KCNQ3: variants seen among roughly 807,000 people sequenced by gnomAD.
The protein encoded by KCNQ3 is potassium voltage-gated channel subfamily KQT member 3.
Under a neutral mutation model 92.5 loss-of-function variants are expected in KCNQ3, and 30 were observed. That is an observed-to-expected ratio of 0.32 (90% confidence interval 0.24 to 0.44). The LOEUF is 0.44. Among genes scored for constraint, KCNQ3 ranks in the 20% least tolerant of loss-of-function variants. The pLI is 1.00. For synonymous variants in KCNQ3, 450 were observed against 468.8 expected, an observed-to-expected ratio of 0.96 and a Z score of 0.52; for missense variants, 913 against 1,140.3, an observed-to-expected ratio of 0.80 and a Z score of 2.87.
intron 1 of KCNQ3, among the ~76,000 whole-genome samples, chr8:132,233,480 C>A (rs1378176022): frequency 6.6e-6 from 1 of 152,156 alleles, no homozygotes; most frequent in Non-Finnish European, 1.5e-5. Flanking sequence ...AAGCCTAGTG[C>A]TTTTAGGATG....
chr8:132,351,861 C>G (rs11995574), intron 1 of KCNQ3, among the ~76,000 whole-genome samples: 4,500 of 152,280 alleles, frequency 0.03, 236 homozygotes, highest in African/African-American at 0.1. Context: ...AAATTCTGGA[C>G]CTGCCAGCTG....
intron 1 of KCNQ3, among the ~76,000 whole-genome samples, chr8:132,462,509 G>T (rs747530161): frequency 1.3e-5 from 2 of 152,164 alleles, no homozygotes; most frequent in Non-Finnish European, 2.9e-5. Context: ...ACTTTTAAAT[G>T]GTAAGTTTTT....
rs1266148430 is a variant in KCNQ3, at chr8:132,437,006, G to A, written c.386+43141C>T. ...TTAAGAGTGGGGTGGTGGGCCGGGC[G>A]CGGTGGCTCACGCCTGTAATCCCAG... On this transcript the variant is annotated intron_variant, in intron 1 of 14. Coordinates refer to ENST00000388996, the MANE Select transcript of KCNQ3 (RefSeq NM_004519.4). 3.3e-5 allele frequency among the ~76,000 whole-genome samples: 5 copies of A among 151,190 alleles called. No individual in the cohort carries two copies. In the South Asian group the frequency reaches 6.3e-4, roughly 19 times the overall value.
chr8:132,327,979 C>T (rs1000316651), intron 1 of KCNQ3, among the ~76,000 whole-genome samples: 4 of 152,082 alleles, frequency 2.6e-5, no homozygotes, highest in African/African-American at 9.7e-5. Context: ...AATCTCCAGA[C>T]TCTATCCCAC....
chr8:132,452,026 T>C (rs544478071), intron 1 of KCNQ3, among the ~76,000 whole-genome samples: 28 of 152,324 alleles, frequency 1.8e-4, no homozygotes, highest in Non-Finnish European at 3.7e-4. Flanking sequence ...CAGTGGTATG[T>C]GGTTTCTCAC....
chr8:132,322,025 G>C (rs1485996264), intron 1 of KCNQ3, among the ~76,000 whole-genome samples: 1 of 152,094 alleles, frequency 6.6e-6, no homozygotes, highest in Non-Finnish European at 1.5e-5. Context: ...GATGTGGCCT[G>C]AGGACAAGGT....
intron 1 of KCNQ3, among the ~76,000 whole-genome samples, chr8:132,237,008 C>G (rs919508238): frequency 2.0e-5 from 3 of 152,044 alleles, no homozygotes. Flanking sequence ...AAGAGGATGC[C>G]GAGATTGAGG....
intron 1 of KCNQ3, among the ~76,000 whole-genome samples, chr8:132,267,039 T>G (rs932312402): frequency 1.3e-5 from 2 of 152,172 alleles, no homozygotes; most frequent in Non-Finnish European, 2.9e-5. Context: ...GGTGGCTTTA[T>G]AGAAAAGGCT....
intron 1 of KCNQ3, among the ~76,000 whole-genome samples, chr8:132,293,622 C>T (rs935485231): frequency 2.0e-5 from 3 of 152,154 alleles, no homozygotes; most frequent in African/African-American, 7.2e-5. Context: ...TCCCTGCATG[C>T]TATGCTTCTT....
intron 1 of KCNQ3, among the ~76,000 whole-genome samples, chr8:132,242,112 G>A (rs1298286186): frequency 1.3e-5 from 2 of 152,210 alleles, no homozygotes; most frequent in Admixed American, 6.5e-5. Flanking sequence ...TAGTGGGAAA[G>A]TAATATCTAT....
chr8:132,346,234 G>A (rs951888709), intron 1 of KCNQ3, among the ~76,000 whole-genome samples: 1 of 152,066 alleles, frequency 6.6e-6, no homozygotes, highest in African/African-American at 2.4e-5. Flanking sequence ...TCTACAAGTG[G>A]GTCTGGAACT....
intron 1 of KCNQ3, among the ~76,000 whole-genome samples, chr8:132,451,417 G>A (rs1821818790): frequency 6.6e-6 from 1 of 152,186 alleles, no homozygotes; most frequent in Admixed American, 6.5e-5. Flanking sequence ...CTTTCTTAAT[G>A]CACCATCCAC....
intron 1 of KCNQ3, among the ~76,000 whole-genome samples, chr8:132,253,052 A>T (rs1489807244): frequency 6.6e-6 from 1 of 152,176 alleles, no homozygotes; most frequent in Non-Finnish European, 1.5e-5. Flanking sequence ...ACTTCTTCAG[A>T]GAGGATTTTA....
chr8:132,170,708 C>A (rs1040569114), intron 7 of KCNQ3, among the ~76,000 whole-genome samples: 2 of 151,924 alleles, frequency 1.3e-5, no homozygotes, highest in Non-Finnish European at 2.9e-5. Context: ...GGCATAAAAT[C>A]CCTGAAAGGA....
chr8:132,406,500 AG>A, intron 1 of KCNQ3, among the ~76,000 whole-genome samples: 1 of 152,018 alleles, frequency 6.6e-6, no homozygotes, highest in South Asian at 2.1e-4. Context: ...TCCATTCCTG[AG>A]CCCCACTCAC....
In KCNQ3 at chr8:132,472,234, T is replaced by C. The variant is rs146900071; in HGVS notation, c.386+7913A>G. ...CAAAAAACTAAAAATAGAACTATCA[T>C]ACCATCCAGCAACCCCACTACTGGG... On this transcript the variant is annotated intron_variant, in intron 1 of 14. Coordinates refer to ENST00000388996, the MANE Select transcript of KCNQ3 (RefSeq NM_004519.4). Among the ~76,000 whole-genome samples, 396 of 152,308 alleles carry C rather than the reference T, an allele frequency of 2.6e-3. 2 individuals are homozygous for C. The highest frequency in any genetic ancestry group is 9.4e-3 in the African/African-American group (390 of 41,574).
chr8:132,201,270 C>A (rs1482810363), intron 1 of KCNQ3, among the ~76,000 whole-genome samples: 2 of 152,184 alleles, frequency 1.3e-5, no homozygotes, highest in African/African-American at 4.8e-5. Context: ...TTGTGCCACC[C>A]TTTACTTGCC....
intron 9 of KCNQ3, among the ~76,000 whole-genome samples, chr8:132,160,300 C>T (rs538506399): frequency 2.4e-4 from 37 of 152,282 alleles, no homozygotes; most frequent in Non-Finnish European, 3.8e-4. Context: ...CCAGCTGATG[C>T]GGAGGAAGGC....
At position 132,122,595 on chromosome 8, in the gene KCNQ3, G is replaced by C. The variant is rs1271644622; in HGVS notation, c.*6667C>G. On this transcript the variant is annotated 3_prime_UTR_variant, in exon 15 of 15. Coordinates refer to ENST00000388996, the MANE Select transcript of KCNQ3 (RefSeq NM_004519.4). ...AAGCTTATTTTAAGCCCATAACAGTGCTATCTGGAGGATGAAGGCTTAGGT... is the reference window on the plus strand; with the variant it reads ...AAGCTTATTTTAAGCCCATAACAGTCCTATCTGGAGGATGAAGGCTTAGGT... 1 of 152,174 alleles carries C rather than the reference G, an allele frequency of 6.6e-6. No individual in the cohort carries two copies. The highest frequency in any genetic ancestry group is 1.5e-5 in the Non-Finnish European group (1 of 68,030). The allele number at this position is 152,174 out of a possible 1,614,324, so 9.4% of individuals were successfully genotyped here. A position where few individuals can be genotyped will look rare whatever the true frequency, so the allele number is the denominator to read the frequency against.
Sources: allele counts gnomAD v4.1 joint callset (sites outside exome capture counted in the v4.1 genomes callset), GRCh38; gene constraint gnomAD v4.1.1; transcripts MANE v1.5; gene names NCBI Gene and HGNC (gene_info 2026-07-23, HGNC 2026-07-21).